Variants in WAPL observed in about 807,000 individuals in gnomAD.
The protein encoded by WAPL is WAPL cohesin release factor.
A neutral mutation model predicts 121.0 loss-of-function variants in WAPL; 5 were observed. The ratio of observed to expected loss-of-function variants is 0.04; its 90% confidence interval spans 0.02 to 0.09. WAPL has a LOEUF of 0.09. WAPL is among the 10% of genes least tolerant of loss of function. The probability of loss-of-function intolerance (pLI) is 1.00; values close to 1 mark genes in which losing one functional copy is unlikely to be tolerated. For synonymous variants in WAPL, 480 were observed against 481.5 expected (o/e 1.00, Z 0.04); for missense variants, 999 against 1,410.8 (o/e 0.71, Z 4.68).
chr10:86,515,864 CTTTTTT>C (rs377683656), intron 2 of WAPL, among the ~76,000 whole-genome samples: 2 of 101,146 alleles, frequency 2.0e-5, no homozygotes, highest in African/African-American at 3.8e-5. Context: ...CTGTCTATGC[CTTTTTT>C]TTTTTTTTTT....
At chr10:86,456,196 C>G (rs1841142679) in intron 12 of WAPL, among the ~76,000 whole-genome samples, 1 of 152,158 alleles carries the variant, frequency 6.6e-6, no homozygotes, top group Admixed American at 6.5e-5. Flanking sequence ...AGGCAGCTAG[C>G]ACTGAGAGGT....
chr10:86,515,206 A>C (rs2132234129), intron 2 of WAPL, among the ~76,000 whole-genome samples: 1 of 151,846 alleles, frequency 6.6e-6, no homozygotes, highest in East Asian at 2.0e-4. Context: ...GGTTGCAGTG[A>C]GCCAAGATAG....
intron 2 of WAPL, among the ~76,000 whole-genome samples, chr10:86,514,215 G>C (rs933127556): frequency 2.6e-5 from 4 of 152,180 alleles, no homozygotes; most frequent in Admixed American, 6.5e-5. Flanking sequence ...TTAGAGGGGA[G>C]AGACAAAGGA....
intron 13 of WAPL, 120 bp from the exon 14 acceptor site, chr10:86,453,455 T>C (rs963985564): frequency 4.5e-5 from 54 of 1,207,602 alleles, no homozygotes; most frequent in Admixed American, 7.5e-5. Flanking sequence ...TATTGAAACA[T>C]ACTATTGATA....
intron 2 of WAPL, among the ~76,000 whole-genome samples, chr10:86,506,285 G>T (rs769184788): frequency 4.6e-5 from 7 of 152,138 alleles, no homozygotes; most frequent in African/African-American, 1.7e-4. Context: ...GGTGAGGAAG[G>T]AGGAAGTGAT....
intron 2 of WAPL, among the ~76,000 whole-genome samples, chr10:86,502,726 T>C (rs1261904389): frequency 4.6e-5 from 7 of 152,138 alleles, no homozygotes; most frequent in Non-Finnish European, 1.0e-4. Flanking sequence ...ACCAAACCCA[T>C]CATTACACAG....
intron 14 of WAPL, among the ~76,000 whole-genome samples, chr10:86,452,602 AAACAAAAAAAG>A (rs1002092547): frequency 1.3e-5 from 2 of 152,096 alleles, no homozygotes; most frequent in African/African-American, 4.8e-5. Context: ...TCTCAAAAAC[AAACAAAAAAAG>A]AACAAAAAAA....
rs573281928 is a variant in WAPL, at chr10:86,488,188, TA to T, written c.1644+9012del. Among the ~76,000 whole-genome samples, 260 of 152,348 alleles carry T rather than the reference TA, an allele frequency of 1.7e-3. 2 individuals carry two copies. Among genetic ancestry groups the T allele is most frequent in the Non-Finnish European group, 1.3e-3 (88 of 68,030 alleles). ...TAGTGTGAACTCATGGTTCTAAACA[TA>T]CACAGAATGACCATGAAATAGACAT... On this transcript the variant is annotated intron_variant, in intron 4 of 18. Transcript: ENST00000298767.
In WAPL at chr10:86,470,659, T is replaced by A. The variant is rs1258945515; in HGVS notation, c.2142+333A>T. Reference sequence around the variant, plus strand: ...TTTTTTTCCATTCATTAGTATCAAATAATATTAAAAGATTCTTCTCAGTGC... The same window carrying A: ...TTTTTTTCCATTCATTAGTATCAAAAAATATTAAAAGATTCTTCTCAGTGC... On this transcript the variant is annotated intron_variant, in intron 8 of 18. Transcript: ENST00000298767. 1.3e-5 allele frequency among the ~76,000 whole-genome samples: 2 copies of A among 152,174 alleles called. 1 individual carries two copies. Among genetic ancestry groups the A allele is most frequent in the Non-Finnish European group, 2.9e-5 (2 of 68,012 alleles).
In WAPL at chr10:86,452,576, A is replaced by C. The variant is rs1003881213; in HGVS notation, c.2950-445T>G. On this transcript the variant is annotated intron_variant, in intron 14 of 18. Transcript: ENST00000298767. The stretch of plus-strand genomic sequence containing the variant: ...CACTGCACTCCAGCCTGGGCAAGAG[A>C]GTGAGTGAGACTCCATCTCAAAAAC... 2.8e-4 allele frequency among the ~76,000 whole-genome samples: 42 copies of C among 152,236 alleles called. 1 individual carries two copies. The highest frequency in any genetic ancestry group is 2.5e-3 in the Admixed American group (38 of 15,288).
intron 8 of WAPL, among the ~76,000 whole-genome samples, chr10:86,470,137 A>C (rs935657948): frequency 5.3e-5 from 8 of 152,004 alleles, no homozygotes; most frequent in Non-Finnish European, 1.0e-4. Context: ...GGTTCAAGCA[A>C]TTCTCCTGCC....
intron 4 of WAPL, among the ~76,000 whole-genome samples, chr10:86,494,373 T>C (rs1325538142): frequency 6.6e-6 from 1 of 152,206 alleles, no homozygotes; most frequent in African/African-American, 2.4e-5. Flanking sequence ...TCATCTTTAC[T>C]GGAAAGATCG....
chr10:86,501,622 G>A (rs1842249113), intron 2 of WAPL, among the ~76,000 whole-genome samples: 1 of 152,148 alleles, frequency 6.6e-6, no homozygotes, highest in Admixed American at 6.5e-5. Context: ...ATCAAATACA[G>A]GTGAGAGGGA....
Position 86,472,448 on chromosome 10 carries a change from T to A in WAPL, c.1894-104A>T. The A allele has an allele frequency of 6.6e-7, 1 of 1,509,634 alleles. No individual in the cohort carries two copies. The allele number at this position is 1,509,634 out of a possible 1,614,324, so 93.5% of individuals were successfully genotyped here. ...TAAGTGCATAAAATAGTTCATTAGA[T>A]GGCAACAAAAATATTTTTAGAACAA... On this transcript the variant is annotated intron_variant, in intron 6 of 18. Transcript: ENST00000298767. The surrounding 1 kb of genome is among the most constrained non-coding windows in gnomAD (Gnocchi z 4.2).
intron 4 of WAPL, among the ~76,000 whole-genome samples, chr10:86,477,563 T>A (rs1429149422): frequency 6.6e-6 from 1 of 152,024 alleles, no homozygotes; most frequent in Non-Finnish European, 1.5e-5. Flanking sequence ...AGCATTTTGG[T>A]AGGCCGAGAC....
intron 17 of WAPL, among the ~76,000 whole-genome samples, chr10:86,439,135 GAT>G (rs1326712633): frequency 6.6e-6 from 1 of 152,068 alleles, no homozygotes; most frequent in Non-Finnish European, 1.5e-5. Flanking sequence ...AAAAAGGAGA[GAT>G]GACATATTTC....
chr10:86,497,579 G>A (rs1227728614), intron 3 of WAPL, among the ~76,000 whole-genome samples: 3 of 152,088 alleles, frequency 2.0e-5, no homozygotes, highest in African/African-American at 7.2e-5. Context: ...ATGTCAAATG[G>A]AAAAATCAAA....
intron 2 of WAPL, among the ~76,000 whole-genome samples, chr10:86,508,974 A>C (rs1308082623): frequency 2.0e-5 from 3 of 150,640 alleles, no homozygotes; most frequent in Non-Finnish European, 3.0e-5. Flanking sequence ...CGATCTCCTG[A>C]CCTCGTGATC....
chr10:86,508,009 G>C (rs1842385821), intron 2 of WAPL, among the ~76,000 whole-genome samples: 1 of 151,930 alleles, frequency 6.6e-6, no homozygotes, highest in Admixed American at 6.6e-5. Context: ...CCAATATTCT[G>C]TATTCTGTCC....
Sources: allele counts gnomAD v4.1 joint callset (sites outside exome capture counted in the v4.1 genomes callset), GRCh38; gene constraint gnomAD v4.1.1; non-coding constraint Gnocchi (gnomAD v3.1); transcripts MANE v1.5; gene names NCBI Gene and HGNC (gene_info 2026-07-23, HGNC 2026-07-21).